Variants in PROKR2 observed in about 807,000 individuals in gnomAD.
The protein encoded by PROKR2 is prokineticin receptor 2.
Under a neutral mutation model 23.4 loss-of-function variants are expected in PROKR2, and 26 were observed. That is an observed-to-expected ratio of 1.11 (90% CI 0.81 to 1.54). PROKR2 has a LOEUF of 1.54. Ranked by LOEUF, PROKR2 falls within the 40% of genes most tolerant of loss-of-function variation. PROKR2 has a pLI of 0.00. For synonymous variants in PROKR2, 212 were observed against 201.2 expected (o/e 1.05, Z -0.45); for missense variants, 453 against 511.5 (o/e 0.89, Z 1.10).
At position 5,316,446 on chromosome 20, in the gene PROKR2, C is replaced by G. The variant is rs1186305131; in HGVS notation, c.-9+48G>C. The G allele has an allele frequency of 2.2e-6, 1 of 449,444 alleles. No homozygotes were observed. The highest frequency in any genetic ancestry group is 4.5e-6 in the Non-Finnish European group (1 of 223,252). The allele number at this position is 449,444 out of a possible 1,614,324, so 27.8% of individuals were successfully genotyped here. ...CAGAGGCCCTTGTCCTAGCGACTCCCCCACCGCACCGACTGAGTCCCGGGA... is the reference window on the plus strand; with the variant it reads ...CAGAGGCCCTTGTCCTAGCGACTCCGCCACCGCACCGACTGAGTCCCGGGA... On this transcript the variant is annotated intron_variant, in intron 1 of 2. Coordinates refer to ENST00000678254, the MANE Select transcript of PROKR2 (RefSeq NM_144773.4). The surrounding 1 kb of genome is among the most constrained non-coding windows in gnomAD (Gnocchi z 5.0).
chr20:5,307,697 G>T (rs1979272584), intron 2 of PROKR2, among the ~76,000 whole-genome samples: 1 of 152,212 alleles, frequency 6.6e-6, no homozygotes, highest in African/African-American at 2.4e-5. Flanking sequence ...TGGTCAGATG[G>T]TAGAAATGGC....
intron 2 of PROKR2, among the ~76,000 whole-genome samples, chr20:5,308,171 A>T (rs1979291954): frequency 7.1e-6 from 1 of 140,686 alleles, no homozygotes; most frequent in African/African-American, 2.8e-5. Flanking sequence ...AAATCAAATA[A>T]GGGGGACATG....
In PROKR2 at chr20:5,302,109, A is replaced by G; in HGVS notation, c.1086T>C (p.Ser362=). Residue 362 remains serine, a synonymous_variant, in exon 3 of 3, where the codon AGT becomes AGC. Transcript: ENST00000678254. ...CGTTGGTTCTGAGGTCAAGGTCAGC[A>G]CTGGACTTGCTCCCCCGCTGGGAGG... ...WRPSQRGSKS[S]ADLDLRTNGV... 6.2e-7 allele frequency: 1 copy of G among 1,614,234 alleles called. No homozygotes were observed.
In PROKR2 at chr20:5,302,191, G is replaced by A. The variant is rs755562438; in HGVS notation, c.1004C>T (p.Thr335Met). The A allele has an allele frequency of 2.0e-5, 33 of 1,614,076 alleles. No homozygotes were observed. Among genetic ancestry groups the A allele is most frequent in the African/African-American group, 6.7e-5 (5 of 74,914 alleles). The part of the protein sequence containing the change: ...NSMINTVCFV[T>M]VKNNTMKYFK... ...GTACTTCATGGTGTTGTTCTTGACCGTCACGAAGCACACGGTGTTGATCAT... is the reference window on the plus strand; with the variant it reads ...GTACTTCATGGTGTTGTTCTTGACCATCACGAAGCACACGGTGTTGATCAT... Residue 335 changes from threonine to methionine, a missense_variant, in exon 3 of 3, where the codon ACG becomes ATG. Transcript: ENST00000678254.
chr20:5,304,729 G>A (rs1052512825), intron 2 of PROKR2, among the ~76,000 whole-genome samples: 8 of 152,314 alleles, frequency 5.3e-5, no homozygotes, highest in Non-Finnish European at 1.0e-4. Context: ...AGAACCATAC[G>A]TGGATTTTAT....
chr20:5,316,095 G>A lies in PROKR2; in HGVS notation c.-9+399C>T, dbSNP rs1336488185. ...GCAAAGGCTGCGGTGCCTCCTGGCT[G>A]GAAGAAAACGGCGGGTGGGTGGAGG... On this transcript the variant is annotated intron_variant, in intron 1 of 2. Coordinates refer to ENST00000678254, the MANE Select transcript of PROKR2 (RefSeq NM_144773.4). This position sits in a 1 kb window ranked among gnomAD's most constrained non-coding sequence, Gnocchi z 5.0. 3 of 456,616 alleles carry A rather than the reference G, an allele frequency of 6.6e-6. No individual in the cohort carries two copies. The East Asian group carries it at 2.1e-4, about 32-fold the overall frequency. 28.3% of individuals were successfully genotyped at this position (456,616 alleles called of 1,614,324 possible). A position where few individuals can be genotyped will look rare whatever the true frequency, so the allele number is the denominator to read the frequency against.
At chr20:5,312,523 G>A (rs1346765691) in intron 2 of PROKR2, among the ~76,000 whole-genome samples, 1 of 152,174 alleles carries the variant, frequency 6.6e-6, no homozygotes, top group African/African-American at 2.4e-5. Flanking sequence ...GTGAGCCTGA[G>A]TTGTAGCAAA....
chr20:5,312,662 TG>T (rs1485118463), intron 2 of PROKR2, among the ~76,000 whole-genome samples: 1 of 152,114 alleles, frequency 6.6e-6, no homozygotes, highest in Non-Finnish European at 1.5e-5. Context: ...TAAGCAGCAC[TG>T]AGAACAGGGG....
At chr20:5,315,845 G>A (rs1979648758) in intron 1 of PROKR2, 1 of 456,602 alleles carries the variant, frequency 2.2e-6, no homozygotes, top group Non-Finnish European at 4.4e-6. Flanking sequence ...CAAGAATGGG[G>A]AGTCCTACCC....
Position 5,302,279 on chromosome 20 carries a change from C to T in PROKR2, c.916G>A (p.Val306Met), listed in dbSNP as rs199696443. The T allele has an allele frequency of 2.1e-5, 34 of 1,614,196 alleles. No homozygotes were observed. Among genetic ancestry groups the T allele is most frequent in the African/African-American group, 9.3e-5 (7 of 75,046 alleles). The change falls in exon 3 of 3, where the codon GTG (valine) becomes ATG (methionine). Residue 306 changes from valine to methionine, a missense_variant. Coordinates refer to ENST00000678254, the MANE Select transcript of PROKR2 (RefSeq NM_144773.4). ...GCAGTGAGGTAGTGCTTTTCCTTCA[C>T]GAACACAGTGGGGAAGAAGTCACGA... is the stretch of plus-strand genomic sequence containing the variant. ...IVRDFFPTVFVKEKHYLTAFY... is the reference protein window; with the variant it reads ...IVRDFFPTVFMKEKHYLTAFY...
Position 5,306,343 on chromosome 20 carries a change from A to G in PROKR2, c.459-3607T>C, listed in dbSNP as rs1979220488. The stretch of plus-strand genomic sequence containing the variant: ...TAAGAGCCATCAATTCAGTTACACA[A>G]CCTATGGGAGCATTACAGCCAGGAT... On this transcript the variant is annotated intron_variant, in intron 2 of 2. Coordinates refer to ENST00000678254, the MANE Select transcript of PROKR2 (RefSeq NM_144773.4). 5.3e-5 allele frequency among the ~76,000 whole-genome samples: 8 copies of G among 152,244 alleles called. 2 individuals are homozygous for G. The South Asian group carries it at 1.7e-3, about 31-fold the overall frequency.
chr20:5,310,087 G>C (rs1979378207), intron 2 of PROKR2, among the ~76,000 whole-genome samples: 1 of 152,190 alleles, frequency 6.6e-6, no homozygotes, highest in Non-Finnish European at 1.5e-5. Context: ...TAAGATCACT[G>C]ACAACCTCTA....
Position 5,316,532 on chromosome 20 carries a change from G to A in PROKR2, c.-47C>T. The stretch of plus-strand genomic sequence containing the variant: ...TCCTTTCTGTGCGCTCTGCTGCTCC[G>A]GAAGCCGGATCGAGAGTCACAGTGT... On this transcript the variant is annotated 5_prime_UTR_variant, in exon 1 of 3. Coordinates refer to ENST00000678254, the MANE Select transcript of PROKR2 (RefSeq NM_144773.4). This position sits in a 1 kb window ranked among gnomAD's most constrained non-coding sequence, Gnocchi z 5.0. 2.8e-6 allele frequency: 1 copy of A among 360,078 alleles called. No homozygotes were observed. The highest frequency in any genetic ancestry group is 2.1e-5 in the South Asian group (1 of 48,548). The allele number at this position is 360,078 out of a possible 1,614,324, so 22.3% of individuals were successfully genotyped here.
chr20:5,315,733 G>T, intron 1 of PROKR2: 1 of 398,912 alleles, frequency 2.5e-6, no homozygotes, highest in Non-Finnish European at 5.1e-6. Context: ...GAGGCGAGAT[G>T]CAAATCCCAG....
rs201374311 is a variant in PROKR2, at chr20:5,301,030, ATTT to A, written c.*1007_*1009del. Among the ~76,000 whole-genome samples, 1 of 150,922 alleles carries A rather than the reference ATTT, an allele frequency of 6.6e-6. No homozygotes were observed. Among genetic ancestry groups the A allele is most frequent in the Non-Finnish European group, 1.5e-5 (1 of 67,664 alleles). ...ACATAAGGCTGGGCTGACTATAAGA[ATTT>A]TTTTTTTCTTGAAGCCAAAATCCTA... is the stretch of plus-strand genomic sequence containing the variant. On this transcript the variant is annotated 3_prime_UTR_variant, in exon 3 of 3. Coordinates refer to ENST00000678254, the MANE Select transcript of PROKR2 (RefSeq NM_144773.4).
In PROKR2 at chr20:5,314,334, G is replaced by A; in HGVS notation, c.36C>T (p.Pro12=). ...CATGGTCTTGGGGTGGATTAAAGTTGGGTGTGAAACTGGTGTTTCCATTCT... is the reference window on the plus strand; with the variant it reads ...CATGGTCTTGGGGTGGATTAAAGTTAGGTGTGAAACTGGTGTTTCCATTCT... ...AAQNGNTSFT[P]NFNPPQDHAS... is the part of the protein sequence containing the mutation. Residue 12 remains proline (P), a synonymous_variant, in exon 2 of 3, where the codon CCC becomes CCT. Transcript: ENST00000678254. The A allele has an allele frequency of 6.2e-7, 1 of 1,614,150 alleles. No homozygotes were observed. The highest frequency in any genetic ancestry group is 8.5e-7 in the Non-Finnish European group (1 of 1,180,036).
rs754796297 is a variant in PROKR2, at chr20:5,302,240, C to T, written c.955G>A (p.Glu319Lys). The T allele has an allele frequency of 8.1e-6, 13 of 1,614,198 alleles. No homozygotes were observed. Among genetic ancestry groups the T allele is most frequent in the Non-Finnish European group, 1.0e-5 (12 of 1,180,044 alleles). ...KHYLTAFYVVECIAMSNSMIN... is the reference protein window; with the variant it reads ...KHYLTAFYVVKCIAMSNSMIN... ...ATGCTGTTGCTCATGGCGATGCACT[C>T]GACCACGTAGAAGGCAGTGAGGTAG... Residue 319 changes from glutamate (E) to lysine (K), a missense_variant, in exon 3 of 3, where the codon GAG becomes AAG. Coordinates refer to ENST00000678254, the MANE Select transcript of PROKR2 (RefSeq NM_144773.4).
chr20:5,301,983 T>A lies in PROKR2; in HGVS notation c.*57A>T. 6.7e-7 allele frequency: 1 copy of A among 1,491,056 alleles called. No individual in the cohort carries two copies. 92.4% of individuals were successfully genotyped at this position (1,491,056 alleles called of 1,614,324 possible). A position where few individuals can be genotyped will look rare whatever the true frequency, so the allele number is the denominator to read the frequency against. On this transcript the variant is annotated 3_prime_UTR_variant, in exon 3 of 3. Transcript: ENST00000678254. ...CCATGCAGCCTATGAACTTGGTTGA[T>A]GGTGGGTGATGCTCTGAGTACTGGA...
intron 2 of PROKR2, among the ~76,000 whole-genome samples, chr20:5,303,011 A>C (rs1387266059): frequency 1.3e-5 from 2 of 152,208 alleles, no homozygotes; most frequent in Non-Finnish European, 2.9e-5. Flanking sequence ...AATCTCCCTG[A>C]GATTTATTTC....
Sources: allele counts gnomAD v4.1 joint callset (sites outside exome capture counted in the v4.1 genomes callset), GRCh38; gene constraint gnomAD v4.1.1; non-coding constraint Gnocchi (gnomAD v3.1); transcripts MANE v1.5; gene names NCBI Gene and HGNC (gene_info 2026-07-23, HGNC 2026-07-21).